The following ATP6V0A4 variants were observed in gnomAD, a reference collection of about 807,000 sequenced individuals.
The protein encoded by ATP6V0A4 is V-type proton ATPase 116 kDa subunit a 4.
Under a neutral mutation model 107.3 loss-of-function variants are expected in ATP6V0A4, and 86 were observed. The ratio of observed to expected loss-of-function variants is 0.80; its 90% CI spans 0.67 to 0.96. The LOEUF (loss-of-function observed/expected upper bound fraction) is 0.96, where lower values mean the gene tolerates loss of function less well. ATP6V0A4 is among the 40% of genes least tolerant of loss of function. The pLI, the probability that ATP6V0A4 is intolerant of heterozygous loss-of-function variation, is 0.00. For missense variants in ATP6V0A4, 908 were observed against 1,045.6 expected (o/e 0.87, Z 1.81); for synonymous variants, 353 against 381.4 (o/e 0.93, Z 0.87).
At chr7:138,769,024 C>G in intron 4 of ATP6V0A4, 149 bp downstream of exon 4, 2 of 1,564,512 alleles carry the variant, frequency 1.3e-6, no homozygotes, top group Non-Finnish European at 1.7e-6. Context: ...CACCCCCAAC[C>G]TCCCCCATTC....
chr7:138,757,233 A>C (rs970717723), intron 8 of ATP6V0A4, among the ~76,000 whole-genome samples: 2 of 152,322 alleles, frequency 1.3e-5, no homozygotes, highest in Middle Eastern at 3.4e-3. Context: ...GACAAAACCC[A>C]GACCGGGTGC....
chr7:138,751,734 C>T (rs1806236434), intron 11 of ATP6V0A4, among the ~76,000 whole-genome samples: 5 of 151,966 alleles, frequency 3.3e-5, no homozygotes, highest in Admixed American at 2.6e-4. Context: ...TTAGCCATCT[C>T]GGACACACCG....
intron 11 of ATP6V0A4, 99 bp downstream of exon 11, chr7:138,752,526 A>G: frequency 1.4e-6 from 2 of 1,454,378 alleles, no homozygotes; most frequent in Non-Finnish European, 9.4e-7. Flanking sequence ...CCTACCACCA[A>G]GTCACTTGAG....
intron 1 of ATP6V0A4, among the ~76,000 whole-genome samples, chr7:138,797,635 C>T (rs536654186): frequency 6.6e-6 from 1 of 152,026 alleles, no homozygotes; most frequent in South Asian, 2.1e-4. Context: ...TTGAATGATG[C>T]GTGTTTGTAA....
rs1428101971 is a variant in ATP6V0A4, at chr7:138,745,933, G to C, written c.1321-653C>G. Among the ~76,000 whole-genome samples, 18 of 32,106 alleles carry C rather than the reference G, an allele frequency of 5.6e-4. 1 individual carries two copies. Among genetic ancestry groups the C allele is most frequent in the Non-Finnish European group, 1.3e-4 (2 of 15,818 alleles). The allele number at this position is 32,106 out of a possible 152,430, so 21.1% of individuals were successfully genotyped here. A position where few individuals can be genotyped will look rare whatever the true frequency, so the allele number is the denominator to read the frequency against. ...CCCTCCGGCCTGGGTGACAGAGCAAGACTCTGTCTCAAAAAAAAAAAAAAA... is the reference window on the plus strand; with the variant it reads ...CCCTCCGGCCTGGGTGACAGAGCAACACTCTGTCTCAAAAAAAAAAAAAAA... On this transcript the variant is annotated intron_variant, in intron 13 of 21. Transcript: ENST00000310018.
intron 19 of ATP6V0A4, among the ~76,000 whole-genome samples, chr7:138,718,467 G>A (rs67644657): frequency 0.19 from 20,972 of 113,178 alleles, 2,291 homozygotes; most frequent in Non-Finnish European, 0.23. Context: ...AGGAATGGGG[G>A]GGATGGCGGG....
chr7:138,769,092 T>C (rs1807236573), intron 4 of ATP6V0A4, 81 bp downstream of exon 4: 2 of 1,598,772 alleles, frequency 1.3e-6, no homozygotes, highest in Non-Finnish European at 1.7e-6. Context: ...GACACATTTG[T>C]TCATTAAGTC....
rs1584939462 is a variant in ATP6V0A4 at position 138,768,633 on chromosome 7, A to G, written c.291+147T>C. The G allele has an allele frequency of 3.1e-6, 3 of 959,418 alleles. No homozygotes were observed. The East Asian group carries it at 7.9e-5, about 25-fold the overall frequency. The allele number at this position is 959,418 out of a possible 1,614,324, so 59.4% of individuals were successfully genotyped here. ...CACACTGGGATTTTCCTGGGGCTGT[A>G]ACCCTGAGAGGGAGACGACCATGCA... On this transcript the variant is annotated intron_variant, in intron 5 of 21. Coordinates refer to ENST00000310018, the MANE Select transcript of ATP6V0A4 (RefSeq NM_020632.3).
intron 11 of ATP6V0A4, among the ~76,000 whole-genome samples, chr7:138,750,321 G>T (rs1375371970): frequency 1.1e-4 from 16 of 151,638 alleles, no homozygotes; most frequent in Non-Finnish European, 1.5e-5. Flanking sequence ...CATGATCATA[G>T]CTCACTACAG....
chr7:138,790,042 AT>A (rs770757955), intron 1 of ATP6V0A4, among the ~76,000 whole-genome samples: 35 of 151,722 alleles, frequency 2.3e-4, no homozygotes, highest in Non-Finnish European at 1.3e-4. Flanking sequence ...CACATTCATT[AT>A]TTTAAAATGG....
intron 19 of ATP6V0A4, among the ~76,000 whole-genome samples, chr7:138,718,412 G>C (rs557079640): frequency 9.8e-5 from 12 of 121,954 alleles, no homozygotes; most frequent in African/African-American, 2.9e-4. Context: ...AGGAAGGAAG[G>C]GGGGGCGTGC....
chr7:138,763,516 T>A (rs537788459), intron 5 of ATP6V0A4, among the ~76,000 whole-genome samples: 203 of 152,004 alleles, frequency 1.3e-3, no homozygotes, highest in Middle Eastern at 6.8e-3. Context: ...TAATCCCAGC[T>A]ACCCAGGAGG....
chr7:138,709,631 G>C lies in ATP6V0A4; in HGVS notation c.2422C>G (p.Leu808Val). The C allele has an allele frequency of 6.2e-7, 1 of 1,612,564 alleles. No individual in the cohort carries two copies. Among genetic ancestry groups the C allele is most frequent in the Non-Finnish European group, 8.5e-7 (1 of 1,179,128 alleles). ...GGGGACAACCATCCTTACCAGTGCA[G>C]TCGCAGGGCGTGCAGGAAAGCAGAG... Reference protein sequence around the residue: ...GLSAFLHALRLHWVEFQNKFY... With the variant: ...GLSAFLHALRVHWVEFQNKFY... The change falls in exon 21 of 22, where the codon CTG becomes GTG. Residue 808 changes from leucine (L) to valine (V), a missense_variant. By Grantham distance (32) the Leu-to-Val change is conservative. Coordinates refer to ENST00000310018, the MANE Select transcript of ATP6V0A4 (RefSeq NM_020632.3).
intron 8 of ATP6V0A4, among the ~76,000 whole-genome samples, chr7:138,759,050 C>CTTTTTTTTTTT (rs1176578067): frequency 4.4e-5 from 4 of 91,924 alleles, no homozygotes; most frequent in African/African-American, 1.6e-4. Context: ...CATGCCCAGC[C>CTTTTTTTTTTT]TATTTTTTTT....
intron 18 of ATP6V0A4, among the ~76,000 whole-genome samples, chr7:138,727,089 G>A (rs1240592095): frequency 1.4e-5 from 2 of 141,000 alleles, no homozygotes; most frequent in African/African-American, 2.7e-5. Context: ...GAGCAGCCTG[G>A]GCAGCATAGT....
At chr7:138,745,002 C>G (rs1182055211) in intron 14 of ATP6V0A4, 121 bp downstream of exon 14, 1 of 936,638 alleles carries the variant, frequency 1.1e-6, no homozygotes, top group African/African-American at 1.6e-5. Flanking sequence ...TGAGCCTGGC[C>G]TATTTGAATT....
intron 20 of ATP6V0A4, 50 bp downstream of exon 20, chr7:138,715,714 C>T: frequency 6.3e-7 from 1 of 1,598,166 alleles, no homozygotes; most frequent in Middle Eastern, 1.7e-4. Flanking sequence ...CACCTATTTC[C>T]TGGGGTGTTG....
At chr7:138,781,843 CTTTT>C (rs200102016) in intron 2 of ATP6V0A4, among the ~76,000 whole-genome samples, 2 of 72,796 alleles carry the variant, frequency 2.7e-5, no homozygotes, top group Non-Finnish European at 2.6e-5. Context: ...CTCTCTCTCT[CTTTT>C]TTTTTTTTTT....
chr7:138,746,564 C>T (rs531491263), intron 13 of ATP6V0A4, among the ~76,000 whole-genome samples: 7 of 151,540 alleles, frequency 4.6e-5, no homozygotes, highest in Middle Eastern at 3.4e-3. Context: ...AGTAAAGTGG[C>T]GCAATCTCAG....
Sources: gnomAD v4.1 joint callset for allele counts (sites outside exome capture counted in the v4.1 genomes callset) on GRCh38, gnomAD v4.1.1 for gene constraint, MANE v1.5 for transcripts, NCBI Gene and HGNC (gene_info 2026-07-23, HGNC 2026-07-21) for gene names.